ANKRD27: variants seen among roughly 807,000 people sequenced by gnomAD.
The protein encoded by ANKRD27 is ankyrin repeat domain 27.
In ANKRD27, 112 loss-of-function variants were observed where a neutral mutation model predicts 129.7. The ratio of observed to expected loss-of-function variants is 0.86; its 90% CI spans 0.74 to 1.01. ANKRD27 has a LOEUF of 1.01. Ranked by LOEUF, ANKRD27 falls within the 50% of genes least tolerant of loss-of-function variation. The pLI, the probability that ANKRD27 is intolerant of heterozygous loss-of-function variation, is 0.00. For synonymous variants in ANKRD27, 516 were observed against 511.2 expected (o/e 1.01, Z -0.13); for missense variants, 1,258 against 1,300.5 (o/e 0.97, Z 0.50).
At chr19:32,626,056 C>T (rs1972086103) in intron 16 of ANKRD27, 90 bp from the exon 17 acceptor site, 2 of 958,898 alleles carry the variant, frequency 2.1e-6, no homozygotes, top group Non-Finnish European at 1.5e-6. Flanking sequence ...GTCATTTGCT[C>T]CCATCTTCGA....
chr19:32,644,684 A>T (rs1477644039), intron 4 of ANKRD27, among the ~76,000 whole-genome samples: 2 of 152,212 alleles, frequency 1.3e-5, no homozygotes, highest in African/African-American at 2.4e-5. Context: ...AAACCAAACT[A>T]TCTGGGACCA....
intron 25 of ANKRD27, among the ~76,000 whole-genome samples, chr19:32,603,056 C>T (rs1288994070): frequency 5.3e-5 from 8 of 151,984 alleles, no homozygotes; most frequent in Admixed American, 3.9e-4. Flanking sequence ...CCCAGCACTT[C>T]GGGATGCCAA....
intron 2 of ANKRD27, among the ~76,000 whole-genome samples, chr19:32,651,890 C>T (rs1222448348): frequency 6.6e-6 from 1 of 152,176 alleles, no homozygotes; most frequent in Non-Finnish European, 1.5e-5. Flanking sequence ...ACCCTTCCCC[C>T]AACTAGTTTT....
chr19:32,655,348 G>C (rs1967498826), intron 2 of ANKRD27: 1 of 152,508 alleles, frequency 6.6e-6, no homozygotes, highest in African/African-American at 2.4e-5. Flanking sequence ...GGCTGAGGAA[G>C]ACAAGAGGCT....
At chr19:32,607,859 A>G in intron 22 of ANKRD27, 27 bp from the exon 23 acceptor site, 1 of 1,578,542 alleles carries the variant, frequency 6.3e-7, no homozygotes, top group Non-Finnish European at 8.6e-7. Flanking sequence ...ATGGAAACAC[A>G]AACGTCATCA....
rs1487327029 is a variant in ANKRD27 at position 32,639,456 on chromosome 19, C to T, written c.1016G>A (p.Arg339Lys). 6.2e-7 allele frequency: 1 copy of T among 1,613,672 alleles called. No individual in the cohort carries two copies. The highest frequency in any genetic ancestry group is 8.5e-7 in the Non-Finnish European group (1 of 1,179,846). The change falls in exon 12 of 29, where the codon AGG (arginine) becomes AAG (lysine). Residue 339 changes from arginine (R) to lysine (K), a missense_variant. Coordinates refer to ENST00000306065, the MANE Select transcript of ANKRD27 (RefSeq NM_032139.3). ...TTCATCCTTTGCCAAGCTGCTAAAC[C>T]TGAAGTTTTTGATGTAACTCAAATT... is the stretch of plus-strand genomic sequence containing the variant. ...MANLSYIKNF[R>K]FSSLAKDELG... is the part of the protein sequence containing the mutation.
rs1338974973 is a variant in ANKRD27, at chr19:32,604,461, C to T, written c.2494-37G>A. The stretch of plus-strand genomic sequence containing the variant: ...AACCACACGATCAAAAGGAACGCTA[C>T]GAAACGTCAGCATGGAATCTGGCTG... On this transcript the variant is annotated intron_variant, in intron 24 of 28. Coordinates refer to ENST00000306065, the MANE Select transcript of ANKRD27 (RefSeq NM_032139.3). 7.1e-6 allele frequency: 11 copies of T among 1,557,840 alleles called. No homozygotes were observed. The East Asian group carries it at 9.1e-5, about 13-fold the overall frequency.
At chr19:32,638,682 C>T (rs1967136562) in intron 12 of ANKRD27, 1 of 152,560 alleles carries the variant, frequency 6.6e-6, no homozygotes, top group Admixed American at 6.5e-5. Context: ...CCACTGTGTT[C>T]CCCAGTGCCC....
intron 22 of ANKRD27, among the ~76,000 whole-genome samples, chr19:32,609,179 C>A (rs914220585): frequency 6.6e-6 from 1 of 151,672 alleles, no homozygotes; most frequent in African/African-American, 2.4e-5. Flanking sequence ...TCAAACCCTG[C>A]TGGAGGGAAC....
chr19:32,624,340 C>G (rs1383778878), intron 17 of ANKRD27, among the ~76,000 whole-genome samples: 7 of 149,962 alleles, frequency 4.7e-5, no homozygotes, highest in Non-Finnish European at 7.4e-5. Flanking sequence ...GCACTCCAGC[C>G]TGGGCAACAG....
chr19:32,629,898 G>A (rs114071805), intron 13 of ANKRD27, among the ~76,000 whole-genome samples: 1,434 of 121,872 alleles, frequency 0.012, 24 homozygotes, highest in African/African-American at 0.039. Flanking sequence ...ACAAATAACA[G>A]AATTTATTTA....
intron 15 of ANKRD27, 37 bp from the exon 16 acceptor site, chr19:32,626,864 G>A (rs1568405044): frequency 6.8e-7 from 1 of 1,474,848 alleles, no homozygotes; most frequent in African/African-American, 1.4e-5. Flanking sequence ...GAGAAGGAAG[G>A]CGCAGAGGCC....
In ANKRD27 at chr19:32,597,946, T is replaced by A. The variant is rs1236034658; in HGVS notation, c.*199A>T. 1.7e-6 allele frequency: 1 copy of A among 596,002 alleles called. No individual in the cohort carries two copies. The highest frequency in any genetic ancestry group is 3.0e-6 in the Non-Finnish European group (1 of 334,496). The allele number at this position is 596,002 out of a possible 1,614,324, so 36.9% of individuals were successfully genotyped here. On this transcript the variant is annotated 3_prime_UTR_variant, in exon 29 of 29. Coordinates refer to ENST00000306065, the MANE Select transcript of ANKRD27 (RefSeq NM_032139.3). Reference sequence around the variant, plus strand: ...CTGTTTCAATTGTATTCATTAGCTTTGAAGAGGAGAGAGATGGTGGTGGTT... The same window carrying A: ...CTGTTTCAATTGTATTCATTAGCTTAGAAGAGGAGAGAGATGGTGGTGGTT...
rs1966986188 is a variant in ANKRD27 at position 32,631,211 on chromosome 19, G to A, written c.1209+191C>T. On this transcript the variant is annotated intron_variant, in intron 13 of 28. Coordinates refer to ENST00000306065, the MANE Select transcript of ANKRD27 (RefSeq NM_032139.3). ...TTTTGTATTTTTAGTAGAGGCGGCT[G>A]TTGCACCATGTTGGCCACACTTGGC... is the stretch of plus-strand genomic sequence containing the variant. Among the ~76,000 whole-genome samples, 3 of 151,602 alleles carry A rather than the reference G, an allele frequency of 2.0e-5. No homozygotes were observed. The South Asian group carries it at 6.3e-4, about 32-fold the overall frequency.
At chr19:32,663,169 C>T (rs1967679506) in intron 1 of ANKRD27, among the ~76,000 whole-genome samples, 1 of 152,102 alleles carries the variant, frequency 6.6e-6, no homozygotes, top group African/African-American at 2.4e-5. Flanking sequence ...CCCAAGATCC[C>T]AATGCTATGA....
At chr19:32,633,543 C>T (rs1055629068) in intron 12 of ANKRD27, among the ~76,000 whole-genome samples, 1 of 151,356 alleles carries the variant, frequency 6.6e-6, no homozygotes, top group African/African-American at 2.4e-5. Context: ...AGGCTGGTCT[C>T]GAACTCCTGG....
chr19:32,649,679 T>C lies in ANKRD27; in HGVS notation c.213+3A>G, dbSNP rs547232143. ...CCTGGCTGATCCACCAAGAAATGAA[T>C]ACCTTTCCATTTAAGGTCTGAAAAT... On this transcript the variant is annotated splice_donor_region_variant and intron_variant, in intron 3 of 28. Coordinates refer to ENST00000306065, the MANE Select transcript of ANKRD27 (RefSeq NM_032139.3). 1.9e-6 allele frequency: 3 copies of C among 1,592,372 alleles called. No homozygotes were observed. The highest frequency in any genetic ancestry group is 1.3e-5 in the African/African-American group (1 of 74,566).
intron 5 of ANKRD27, 37 bp from the exon 6 acceptor site, chr19:32,643,668 C>A: frequency 1.2e-6 from 2 of 1,609,866 alleles, no homozygotes; most frequent in African/African-American, 2.7e-5. Context: ...GCCACCCTTA[C>A]CAGCAAGGCC....
At chr19:32,655,504 A>T (rs1967501692) in intron 2 of ANKRD27, among the ~76,000 whole-genome samples, 1 of 152,174 alleles carries the variant, frequency 6.6e-6, no homozygotes, top group Non-Finnish European at 1.5e-5. Flanking sequence ...CCCTGAAAGG[A>T]AGGTGACAAG....
Sources: gnomAD v4.1 joint callset for allele counts (sites outside exome capture counted in the v4.1 genomes callset) on GRCh38, gnomAD v4.1.1 for gene constraint, MANE v1.5 for transcripts, NCBI Gene and HGNC (gene_info 2026-07-23, HGNC 2026-07-21) for gene names.